DAB1: variants seen among roughly 807,000 people sequenced by gnomAD.
DAB1 encodes DAB adaptor protein 1, also known as disabled homolog 1.
In DAB1, 15 loss-of-function variants were observed where a neutral mutation model predicts 64.6. The ratio of observed to expected loss-of-function variants is 0.23; its 90% CI spans 0.16 to 0.36. The LOEUF (loss-of-function observed/expected upper bound fraction) is 0.36, where lower values mean the gene tolerates loss of function less well. Among genes scored for constraint, DAB1 ranks in the 10% least tolerant of loss-of-function variants. DAB1 has a pLI of 1.00. For synonymous variants in DAB1, 235 were observed against 251.9 expected (o/e 0.93, Z 0.64); for missense variants, 596 against 706.7 (o/e 0.84, Z 1.78).
At chr1:57,236,593 G>A (rs919049997) in intron 2 of DAB1, among the ~76,000 whole-genome samples, 1 of 152,210 alleles carries the variant, frequency 6.6e-6, no homozygotes, top group Non-Finnish European at 1.5e-5. Flanking sequence ...GGACAGGGAT[G>A]ACACAGGAGA....
At chr1:57,411,739 C>T (rs182984998) in intron 1 of DAB1, among the ~76,000 whole-genome samples, 273 of 152,330 alleles carry the variant, frequency 1.8e-3, no homozygotes, top group Middle Eastern at 3.4e-3. Flanking sequence ...CAAAAGATGT[C>T]CTTTTAAGCC....
chr1:57,648,441 C>T (rs922710249), intron 7 of DAB1, among the ~76,000 whole-genome samples: 1 of 152,188 alleles, frequency 6.6e-6, no homozygotes, highest in African/African-American at 2.4e-5. Context: ...AGCTCCCAAC[C>T]TCCTCCACTA....
At chr1:57,355,373 GTTCC>G (rs890908744) in intron 1 of DAB1, among the ~76,000 whole-genome samples, 66 of 132,546 alleles carry the variant, frequency 5.0e-4, no homozygotes, top group African/African-American at 1.7e-3. Flanking sequence ...TCCTTCCTTC[GTTCC>G]TTCCTTCCTT....
chr1:57,342,141 C>T (rs1558200635), intron 1 of DAB1, among the ~76,000 whole-genome samples: 1 of 152,188 alleles, frequency 6.6e-6, no homozygotes, highest in Non-Finnish European at 1.5e-5. Flanking sequence ...CAAAATGAAC[C>T]TTGTTCCTTC....
chr1:58,467,133 C>G (rs565128451), intron 3 of DAB1, among the ~76,000 whole-genome samples: 1 of 152,270 alleles, frequency 6.6e-6, no homozygotes, highest in South Asian at 2.1e-4. Flanking sequence ...TTCACTGAGC[C>G]TTAGTTTCCT....
At chr1:57,724,604 A>G (rs1647186944) in intron 6 of DAB1, among the ~76,000 whole-genome samples, 1 of 152,184 alleles carries the variant, frequency 6.6e-6, no homozygotes, top group Non-Finnish European at 1.5e-5. Flanking sequence ...GGAAATAGTC[A>G]TGTTACAAAT....
At chr1:57,100,772 G>T (rs1277577555) in intron 4 of DAB1, among the ~76,000 whole-genome samples, 1 of 144,462 alleles carries the variant, frequency 6.9e-6, no homozygotes, top group Non-Finnish European at 1.5e-5. Context: ...GGGTGGGGGT[G>T]GGGGAAAGGG....
intron 2 of DAB1, among the ~76,000 whole-genome samples, chr1:57,165,184 T>C (rs963437697): frequency 6.6e-6 from 1 of 152,220 alleles, no homozygotes. Flanking sequence ...TAATTTAATA[T>C]GTAACAGCCA....
At chr1:57,001,343 C>T (rs926041735) in intron 14 of DAB1, among the ~76,000 whole-genome samples, 1 of 152,188 alleles carries the variant, frequency 6.6e-6, no homozygotes, top group African/African-American at 2.4e-5. Flanking sequence ...CTCTGCCCTG[C>T]TTCAAATCCT....
chr1:58,227,190 A>G (rs1416124660), intron 4 of DAB1, among the ~76,000 whole-genome samples: 1 of 152,208 alleles, frequency 6.6e-6, no homozygotes, highest in Admixed American at 6.5e-5. Flanking sequence ...TCTGAAATAC[A>G]CACAGAAGAA....
chr1:58,113,030 A>C (rs1652071622), intron 5 of DAB1, among the ~76,000 whole-genome samples: 1 of 152,226 alleles, frequency 6.6e-6, no homozygotes, highest in Non-Finnish European at 1.5e-5. Flanking sequence ...TGAGTAAGAC[A>C]CATATGTTTT....
intron 6 of DAB1, among the ~76,000 whole-genome samples, chr1:57,675,921 G>A (rs1405808472): frequency 6.6e-6 from 1 of 152,160 alleles, no homozygotes; most frequent in African/African-American, 2.4e-5. Flanking sequence ...CAAATTTGGG[G>A]CTGGAAGGGA....
chr1:57,999,695 C>G (rs542456029), intron 5 of DAB1, among the ~76,000 whole-genome samples: 2 of 152,106 alleles, frequency 1.3e-5, no homozygotes, highest in African/African-American at 4.8e-5. Flanking sequence ...CTGGACGGCC[C>G]CCAGGACAAA....
chr1:58,090,038 ACATCAAAGGCAG>A (rs756091796), intron 5 of DAB1, among the ~76,000 whole-genome samples: 79 of 152,218 alleles, frequency 5.2e-4, no homozygotes, highest in Non-Finnish European at 8.4e-4. Context: ...CTGCTGCCTG[ACATCAAAGGCAG>A]CCAGCCTTGT....
chr1:58,238,125 C>G (rs1263359998), intron 4 of DAB1, among the ~76,000 whole-genome samples: 1 of 152,122 alleles, frequency 6.6e-6, no homozygotes, highest in Admixed American at 6.5e-5. Flanking sequence ...TGCTAGCTAT[C>G]GGGATACAAA....
chr1:58,462,113 C>CTTTTTTTTTT (rs1168740907), intron 3 of DAB1, among the ~76,000 whole-genome samples: 1 of 54,264 alleles, frequency 1.8e-5, no homozygotes, highest in Non-Finnish European at 3.4e-5. Flanking sequence ...GAGAAGGTTT[C>CTTTTTTTTTT]TTTTTTTTTT....
chr1:57,764,884 C>T (rs972618795), intron 6 of DAB1, among the ~76,000 whole-genome samples: 1 of 152,074 alleles, frequency 6.6e-6, no homozygotes. Flanking sequence ...AAATTAGGAA[C>T]TTTGGAAACT....
chr1:58,075,589 G>A (rs1649587207), intron 5 of DAB1, among the ~76,000 whole-genome samples: 1 of 152,198 alleles, frequency 6.6e-6, no homozygotes, highest in Admixed American at 6.5e-5. Context: ...CTTGATTTGT[G>A]TATGGAATGT....
chr1:57,313,627 T>G (rs566939538), intron 1 of DAB1, among the ~76,000 whole-genome samples: 2 of 152,330 alleles, frequency 1.3e-5, no homozygotes, highest in Admixed American at 1.3e-4. Context: ...GTGAGTAGTT[T>G]AATACAAAGC....
Sources: gnomAD v4.1 joint callset for allele counts (sites outside exome capture counted in the v4.1 genomes callset) on GRCh38, gnomAD v4.1.1 for gene constraint, MANE v1.5 for transcripts, NCBI Gene and HGNC (gene_info 2026-07-23, HGNC 2026-07-21) for gene names.